RBFOX3: variants seen among roughly 807,000 people sequenced by gnomAD.
The protein encoded by RBFOX3 is RNA binding fox-1 homolog 3, also known as RNA binding protein fox-1 homolog 3.
A neutral mutation model predicts 48.7 loss-of-function variants in RBFOX3; 17 were observed. The observed-to-expected ratio is 0.35, with a 90% CI of 0.24 to 0.52. RBFOX3 has a LOEUF of 0.52. Ranked by LOEUF, RBFOX3 falls within the 20% of genes least tolerant of loss-of-function variation. The pLI is 0.94. For missense variants in RBFOX3, 382 were observed against 497.5 expected (o/e 0.77, Z 2.21); for synonymous variants, 212 against 209.5 (o/e 1.01, Z -0.10).
chr17:79,232,906 G>A (rs537970497), intron 4 of RBFOX3, among the ~76,000 whole-genome samples: 1 of 152,306 alleles, frequency 6.6e-6, no homozygotes, highest in South Asian at 2.1e-4. Context: ...TCTCACCCAC[G>A]ACTGGTGGGA....
chr17:79,303,632 T>C (rs573428487), intron 3 of RBFOX3, among the ~76,000 whole-genome samples: 2 of 152,272 alleles, frequency 1.3e-5, no homozygotes, highest in South Asian at 2.1e-4. Flanking sequence ...TCTATTTCCC[T>C]TTATCTTTTA....
intron 4 of RBFOX3, among the ~76,000 whole-genome samples, chr17:79,215,718 C>G (rs1429077991): frequency 6.6e-6 from 1 of 152,254 alleles, no homozygotes; most frequent in East Asian, 1.9e-4. Context: ...CCAGCAGGAG[C>G]GTATCCCCCA....
At chr17:79,280,461 C>T (rs2070132973) in intron 3 of RBFOX3, among the ~76,000 whole-genome samples, 1 of 152,204 alleles carries the variant, frequency 6.6e-6, no homozygotes, top group Non-Finnish European at 1.5e-5. Flanking sequence ...CCATCAAGGC[C>T]GCGATGCCTT....
Position 79,103,960 on chromosome 17 carries a change from G to A in RBFOX3, c.414+113C>T, listed in dbSNP as rs1056471344. 6.6e-5 allele frequency: 57 copies of A among 868,056 alleles called. No homozygotes were observed. Among genetic ancestry groups the A allele is most frequent in the African/African-American group, 1.2e-4 (7 of 59,894 alleles). 53.8% of individuals were successfully genotyped at this position (868,056 alleles called of 1,614,324 possible). A position where few individuals can be genotyped will look rare whatever the true frequency, so the allele number is the denominator to read the frequency against. The stretch of plus-strand genomic sequence containing the variant: ...AGCGGGGAATACAAGCACCCGTGTC[G>A]CTCAGGGGTCCTCGGGCGCGAAGCT... On this transcript the variant is annotated intron_variant, in intron 7 of 14. Transcript: ENST00000693108. This position sits in a 1 kb window ranked among gnomAD's most constrained non-coding sequence, Gnocchi z 6.1.
At chr17:79,112,925 A>AGGGGGG (rs2032511142) in intron 5 of RBFOX3, among the ~76,000 whole-genome samples, 2 of 90,244 alleles carry the variant, frequency 2.2e-5, no homozygotes, top group African/African-American at 1.1e-4. Context: ...TGGGCTGGGT[A>AGGGGGG]GGACTTCAGG....
At chr17:79,343,245 G>A (rs1186179958) in intron 2 of RBFOX3, among the ~76,000 whole-genome samples, 1 of 152,106 alleles carries the variant, frequency 6.6e-6, no homozygotes, top group Non-Finnish European at 1.5e-5. Flanking sequence ...TGGAGGAAGG[G>A]CCAGGCGAGG....
At chr17:79,544,362 C>T (rs1555791218) in intron 1 of RBFOX3, among the ~76,000 whole-genome samples, 3 of 152,152 alleles carry the variant, frequency 2.0e-5, no homozygotes, top group East Asian at 1.9e-4. Flanking sequence ...CTATTCAACA[C>T]GGTGATTGCT....
rs1018997620 is a variant in RBFOX3, at chr17:79,214,393, G to C, written c.-34+21373C>G. Among the ~76,000 whole-genome samples, 3 of 152,184 alleles carry C rather than the reference G, an allele frequency of 2.0e-5. No individual in the cohort carries two copies. The highest frequency in any genetic ancestry group is 2.9e-5 in the Non-Finnish European group (2 of 68,022). On this transcript the variant is annotated intron_variant, in intron 4 of 14. Coordinates refer to ENST00000693108, the MANE Select transcript of RBFOX3 (RefSeq NM_001350451.2). The surrounding 1 kb of genome is among the most constrained non-coding windows in gnomAD (Gnocchi z 4.7). ...AATTAGACAAGCCCTCCCGCCCGCA[G>C]GTCCAGCAACCAGGGAGGGTGGGGG...
intron 1 of RBFOX3, among the ~76,000 whole-genome samples, chr17:79,596,293 C>T (rs970315347): frequency 2.6e-5 from 4 of 152,218 alleles, no homozygotes; most frequent in Non-Finnish European, 5.9e-5. Context: ...AACCAGGGCC[C>T]ATTTCCTCTC....
intron 4 of RBFOX3, among the ~76,000 whole-genome samples, chr17:79,116,668 G>C (rs963823040): frequency 6.6e-6 from 1 of 152,254 alleles, no homozygotes; most frequent in Non-Finnish European, 1.5e-5. Context: ...ACAGTGAGGT[G>C]TGTCGGGGGG....
the RBFOX3 span, among the ~76,000 whole-genome samples, chr17:79,642,423 A>G: frequency 2.6e-5 from 4 of 152,332 alleles, no homozygotes; most frequent in East Asian, 7.7e-4. Context: ...GATTGCAGTA[A>G]CCATTTCACA....
intron 5 of RBFOX3, among the ~76,000 whole-genome samples, chr17:79,108,924 T>A (rs776450873): frequency 4.0e-4 from 61 of 152,200 alleles, no homozygotes; most frequent in Non-Finnish European, 7.9e-4. Flanking sequence ...AGCACACGTG[T>A]CCACGTTCCT....
chr17:79,189,446 T>C (rs1392691656), intron 4 of RBFOX3, among the ~76,000 whole-genome samples: 1 of 152,232 alleles, frequency 6.6e-6, no homozygotes, highest in Non-Finnish European at 1.5e-5. Flanking sequence ...TGGCTCTCTC[T>C]CCTAACAGGA....
At position 79,219,547 on chromosome 17, in the gene RBFOX3, C is replaced by T. The variant is rs541004850; in HGVS notation, c.-34+16219G>A. ...CCTGCTTGGCCTCGCCTGGTACTGC[C>T]CCTTCAGGCCTGTCTGGCCCAGACC... On this transcript the variant is annotated intron_variant, in intron 4 of 14. Transcript: ENST00000693108. 2.7e-4 allele frequency among the ~76,000 whole-genome samples: 41 copies of T among 152,264 alleles called. No homozygotes were observed. In the South Asian group the frequency reaches 7.0e-3, roughly 26 times the overall value.
chr17:79,241,984 G>T (rs1205799139), intron 3 of RBFOX3, among the ~76,000 whole-genome samples: 1 of 152,194 alleles, frequency 6.6e-6, no homozygotes, highest in African/African-American at 2.4e-5. Context: ...GAATTTTGGG[G>T]AGTGACCGAC....
the RBFOX3 span, among the ~76,000 whole-genome samples, chr17:79,651,739 C>T: frequency 1.9e-5 from 1 of 52,420 alleles, no homozygotes; most frequent in South Asian, 9.8e-4. Flanking sequence ...CTCTCTCCTT[C>T]TCTCTCTGCC....
At chr17:79,531,027 T>G (rs1485531472) in intron 1 of RBFOX3, among the ~76,000 whole-genome samples, 1 of 152,186 alleles carries the variant, frequency 6.6e-6, no homozygotes, top group Non-Finnish European at 1.5e-5. Context: ...CCCTCTACCC[T>G]AAGGTCGCTG....
At chr17:79,639,465 C>T in the RBFOX3 span, among the ~76,000 whole-genome samples, 5 of 152,096 alleles carry the variant, frequency 3.3e-5, no homozygotes, top group Admixed American at 1.3e-4. Context: ...CGTGAGCCAC[C>T]GCACCCAGCC....
chr17:79,280,129 T>C (rs1055826729), intron 3 of RBFOX3, among the ~76,000 whole-genome samples: 4 of 147,436 alleles, frequency 2.7e-5, no homozygotes, highest in African/African-American at 7.6e-5. Flanking sequence ...CACACGCACA[T>C]ACATGTCACA....
Sources: allele counts gnomAD v4.1 joint callset (sites outside exome capture counted in the v4.1 genomes callset), GRCh38; gene constraint gnomAD v4.1.1; non-coding constraint Gnocchi (gnomAD v3.1); transcripts MANE v1.5; gene names NCBI Gene and HGNC (gene_info 2026-07-23, HGNC 2026-07-21).